Variants in KRTAP19-3 observed in about 807,000 individuals in gnomAD.
KRTAP19-3 encodes keratin associated protein 19-3, also known as keratin-associated protein 19-3.
For missense variants in KRTAP19-3, 106 were observed against 101.6 expected, an observed-to-expected ratio of 1.04 and a Z score of -0.19; for synonymous variants, 37 against 41.9, an observed-to-expected ratio of 0.88 and a Z score of 0.45.
In KRTAP19-3 at chr21:30,491,840, C is replaced by T; in HGVS notation, c.118G>A (p.Gly40Ser). 1 of 1,614,148 alleles carries T rather than the reference C, an allele frequency of 6.2e-7. No homozygotes were observed. Among genetic ancestry groups the T allele is most frequent in the Non-Finnish European group, 8.5e-7 (1 of 1,180,022 alleles). ...GAGCCATATCCGTAGCCTCCATAGC[C>T]ACAGCCAGAACCCAGTCTGCGGAAG... ...GSFRRLGSGCGYGGYGYGSGF... is the reference protein window; with the variant it reads ...GSFRRLGSGCSYGGYGYGSGF... The change falls in exon 1 of 1, where the codon GGC becomes AGC. Residue 40 changes from glycine to serine, a missense_variant. Transcript: ENST00000334063.
Position 30,491,534 on chromosome 21 carries a change from G to C in KRTAP19-3, c.*178C>G. ...AATCAGCTTTAAAAGCAAAAGTAGAGAATACTAGGATTATTATAGAGATGT... is the reference window on the plus strand; with the variant it reads ...AATCAGCTTTAAAAGCAAAAGTAGACAATACTAGGATTATTATAGAGATGT... On this transcript the variant is annotated 3_prime_UTR_variant, in exon 1 of 1. Transcript: ENST00000334063. 3.0e-6 allele frequency: 3 copies of C among 983,796 alleles called. No homozygotes were observed. The highest frequency in any genetic ancestry group is 4.5e-6 in the Non-Finnish European group (3 of 671,572). The allele number at this position is 983,796 out of a possible 1,614,324, so 60.9% of individuals were successfully genotyped here. A position where few individuals can be genotyped will look rare whatever the true frequency, so the allele number is the denominator to read the frequency against.
Position 30,491,931 on chromosome 21 carries a change from T to C in KRTAP19-3, c.27A>G (p.Gly9=). 4 of 1,614,158 alleles carry C rather than the reference T, an allele frequency of 2.5e-6. No individual in the cohort carries two copies. Among genetic ancestry groups the C allele is most frequent in the Non-Finnish European group, 3.4e-6 (4 of 1,180,018 alleles). Residue 9 remains glycine (G), a synonymous_variant, in exon 1 of 1, where the codon GGA becomes GGG. Coordinates refer to ENST00000334063, the MANE Select transcript of KRTAP19-3 (RefSeq NM_181609.4). The part of the protein sequence containing the change: MSYYGSYY[G]GLGYGCGGFG... Reference sequence around the variant, plus strand: ...AGCCTCCACAGCCATAGCCCAGGCCTCCATAGTAGCTGCCGTAGTAGCTCA... The same window carrying C: ...AGCCTCCACAGCCATAGCCCAGGCCCCCATAGTAGCTGCCGTAGTAGCTCA...
chr21:30,491,952 G>A lies in KRTAP19-3; in HGVS notation c.6C>T (p.Ser2=), dbSNP rs997567670. The change falls in exon 1 of 1, where the codon AGC becomes AGT. Residue 2 remains serine (S), a synonymous_variant. Coordinates refer to ENST00000334063, the MANE Select transcript of KRTAP19-3 (RefSeq NM_181609.4). M[S]YYGSYYGGLG... is the part of the protein sequence containing the mutation. ...GGCCTCCATAGTAGCTGCCGTAGTAGCTCATGGTGTCAGGGGTAGTGAGTT... is the reference window on the plus strand; with the variant it reads ...GGCCTCCATAGTAGCTGCCGTAGTAACTCATGGTGTCAGGGGTAGTGAGTT... 3 of 1,614,060 alleles carry A rather than the reference G, an allele frequency of 1.9e-6. No individual in the cohort carries two copies. In the African/African-American group the frequency reaches 4.0e-5, roughly 22 times the overall value.
chr21:30,491,886 G>A lies in KRTAP19-3; in HGVS notation c.72C>T (p.Gly24=), dbSNP rs1282617521. The change falls in exon 1 of 1, where the codon GGC becomes GGT. Residue 24 remains glycine, a synonymous_variant. Transcript: ENST00000334063. ...GCGGFGGLGY[G]YGCGCGSFRR... The stretch of plus-strand genomic sequence containing the variant: ...GGAAGCTGCCACATCCACAGCCATA[G>A]CCATAGCCCAGGCCACCAAAGCCTC... 2.5e-6 allele frequency: 4 copies of A among 1,614,014 alleles called. No homozygotes were observed. Among genetic ancestry groups the A allele is most frequent in the Admixed American group, 1.7e-5 (1 of 59,996 alleles).
At position 30,491,756 on chromosome 21, in the gene KRTAP19-3, G is replaced by C. The variant is rs777631911; in HGVS notation, c.202C>G (p.Arg68Gly). The C allele has an allele frequency of 1.3e-5, 21 of 1,614,044 alleles. No individual in the cohort carries two copies. The highest frequency in any genetic ancestry group is 1.8e-5 in the Non-Finnish European group (21 of 1,180,026). ...CCATATCCTCCATAGTATGATGGGC[G>C]GTAGCAGCCATATCCGTAGCCTCCG... ...GFGGYGYGCY[R>G]PSYYGGYGFS... Residue 68 changes from arginine to glycine, a missense_variant, in exon 1 of 1, where the codon CGC becomes GGC. Physicochemically the swap from Arg to Gly is moderately radical, Grantham distance 125. Transcript: ENST00000334063.
chr21:30,491,519 A>T lies in KRTAP19-3; in HGVS notation c.*193T>A. The T allele has an allele frequency of 2.3e-6, 2 of 873,724 alleles. No homozygotes were observed. Among genetic ancestry groups the T allele is most frequent in the Non-Finnish European group, 3.4e-6 (2 of 579,766 alleles). 54.1% of individuals were successfully genotyped at this position (873,724 alleles called of 1,614,324 possible). ...ATAAACAGATAATTCAATCAGCTTT[A>T]AAAGCAAAAGTAGAGAATACTAGGA... is the stretch of plus-strand genomic sequence containing the variant. On this transcript the variant is annotated 3_prime_UTR_variant, in exon 1 of 1. Transcript: ENST00000334063.
rs759480105 is a variant in KRTAP19-3, at chr21:30,491,907, G to T, written c.51C>A (p.Gly17=). The change falls in exon 1 of 1, where the codon GGC becomes GGA. Residue 17 remains glycine, a synonymous_variant. Coordinates refer to ENST00000334063, the MANE Select transcript of KRTAP19-3 (RefSeq NM_181609.4). Reference sequence around the variant, plus strand: ...CATAGCCATAGCCCAGGCCACCAAAGCCTCCACAGCCATAGCCCAGGCCTC... The same window carrying T: ...CATAGCCATAGCCCAGGCCACCAAATCCTCCACAGCCATAGCCCAGGCCTC... ...YYGGLGYGCG[G]FGGLGYGYGC... is the part of the protein sequence containing the mutation. 2.0e-5 allele frequency: 33 copies of T among 1,613,974 alleles called. No homozygotes were observed. Among genetic ancestry groups the T allele is most frequent in the Non-Finnish European group, 2.8e-5 (33 of 1,180,014 alleles).
At position 30,491,866 on chromosome 21, in the gene KRTAP19-3, C is replaced by T. The variant is rs750812193; in HGVS notation, c.92G>A (p.Ser31Asn). The T allele has an allele frequency of 2.5e-6, 4 of 1,614,194 alleles. No homozygotes were observed. The highest frequency in any genetic ancestry group is 3.4e-6 in the Non-Finnish European group (4 of 1,180,034). ...ACAGCCAGAACCCAGTCTGCGGAAGCTGCCACATCCACAGCCATAGCCATA... is the reference window on the plus strand; with the variant it reads ...ACAGCCAGAACCCAGTCTGCGGAAGTTGCCACATCCACAGCCATAGCCATA... Reference protein sequence around the residue: ...LGYGYGCGCGSFRRLGSGCGY... With the variant: ...LGYGYGCGCGNFRRLGSGCGY... The change falls in exon 1 of 1, where the codon AGC (serine) becomes AAC (asparagine). Residue 31 changes from serine to asparagine, a missense_variant. Coordinates refer to ENST00000334063, the MANE Select transcript of KRTAP19-3 (RefSeq NM_181609.4).
rs1159180816 is a variant in KRTAP19-3, at chr21:30,491,538, A to G, written c.*174T>C. 21 of 1,006,750 alleles carry G rather than the reference A, an allele frequency of 2.1e-5. No homozygotes were observed. Among genetic ancestry groups the G allele is most frequent in the Non-Finnish European group, 2.9e-5 (20 of 689,152 alleles). The allele number at this position is 1,006,750 out of a possible 1,614,324, so 62.4% of individuals were successfully genotyped here. The stretch of plus-strand genomic sequence containing the variant: ...AGCTTTAAAAGCAAAAGTAGAGAAT[A>G]CTAGGATTATTATAGAGATGTGGGT... On this transcript the variant is annotated 3_prime_UTR_variant, in exon 1 of 1. Coordinates refer to ENST00000334063, the MANE Select transcript of KRTAP19-3 (RefSeq NM_181609.4).
At position 30,491,963 on chromosome 21, in the gene KRTAP19-3, CA is replaced by C. The variant is rs1568866626; in HGVS notation, c.-7del. The C allele has an allele frequency of 6.2e-7, 1 of 1,614,096 alleles. No homozygotes were observed. The highest frequency in any genetic ancestry group is 1.3e-5 in the African/African-American group (1 of 75,040). ...TAGCTGCCGTAGTAGCTCATGGTGT[CA>C]GGGGTAGTGAGTTTGGTTTGCTGCT... is the stretch of plus-strand genomic sequence containing the variant. On this transcript the variant is annotated 5_prime_UTR_variant, in exon 1 of 1. Transcript: ENST00000334063.
chr21:30,491,855 G>A lies in KRTAP19-3; in HGVS notation c.103C>T (p.Leu35=). 6.2e-7 allele frequency: 1 copy of A among 1,614,074 alleles called. No homozygotes were observed. The highest frequency in any genetic ancestry group is 8.5e-7 in the Non-Finnish European group (1 of 1,180,012). The change falls in exon 1 of 1, where the codon CTG becomes TTG. Residue 35 remains leucine, a synonymous_variant. Transcript: ENST00000334063. ...CCTCCATAGCCACAGCCAGAACCCA[G>A]TCTGCGGAAGCTGCCACATCCACAG... is the stretch of plus-strand genomic sequence containing the variant. ...YGCGCGSFRR[L]GSGCGYGGYG... is the part of the protein sequence containing the mutation.
chr21:30,491,782 A>T lies in KRTAP19-3; in HGVS notation c.176T>A (p.Phe59Tyr). ...GFGGYGYGSG[F>Y]GGYGYGCYRP... ...GTAGCAGCCATATCCGTAGCCTCCGAAGCCAGAGCCATATCCATAGCCTCC... is the reference window on the plus strand; with the variant it reads ...GTAGCAGCCATATCCGTAGCCTCCGTAGCCAGAGCCATATCCATAGCCTCC... Residue 59 changes from phenylalanine (F) to tyrosine (Y), a missense_variant, in exon 1 of 1, where the codon TTC becomes TAC. Physicochemically the swap from Phe to Tyr is conservative, Grantham distance 22 (BLOSUM62 3). Coordinates refer to ENST00000334063, the MANE Select transcript of KRTAP19-3 (RefSeq NM_181609.4). The T allele has an allele frequency of 1.2e-6, 2 of 1,614,046 alleles. No individual in the cohort carries two copies. Among genetic ancestry groups the T allele is most frequent in the Non-Finnish European group, 1.7e-6 (2 of 1,179,984 alleles).
At chr21:30,491,826 G>T in the KRTAP19-3 span, 1 of 1,614,106 alleles carries the variant, frequency 6.2e-7, no homozygotes, top group South Asian at 1.1e-5. Flanking sequence ...AGCCATATCC[G>T]TAGCCTCCAT....
At position 30,491,719 on chromosome 21, in the gene KRTAP19-3, A is replaced by G; in HGVS notation, c.239T>C (p.Phe80Ser). Residue 80 changes from phenylalanine to serine, a missense_variant, in exon 1 of 1, where the codon TTC becomes TCC. Phe to Ser is a radical substitution (Grantham distance 155). Coordinates refer to ENST00000334063, the MANE Select transcript of KRTAP19-3 (RefSeq NM_181609.4). ...TGTTGCTGGGGCAGTAGTTTAATAGAATCCAGAGAATCCATATCCTCCATA... is the reference window on the plus strand; with the variant it reads ...TGTTGCTGGGGCAGTAGTTTAATAGGATCCAGAGAATCCATATCCTCCATA... ...SYYGGYGFSG[F>S]Y is the part of the protein sequence containing the mutation. The G allele has an allele frequency of 6.2e-7, 1 of 1,614,206 alleles. No individual in the cohort carries two copies. Among genetic ancestry groups the G allele is most frequent in the East Asian group, 2.2e-5 (1 of 44,878 alleles).
rs1229239961 is a variant in KRTAP19-3, at chr21:30,491,898, G to T, written c.60C>A (p.Gly20=). The T allele has an allele frequency of 6.2e-7, 1 of 1,614,076 alleles. No individual in the cohort carries two copies. Among genetic ancestry groups the T allele is most frequent in the Non-Finnish European group, 8.5e-7 (1 of 1,180,014 alleles). ...GLGYGCGGFG[G]LGYGYGCGCG... ...ATCCACAGCCATAGCCATAGCCCAG[G>T]CCACCAAAGCCTCCACAGCCATAGC... is the stretch of plus-strand genomic sequence containing the variant. Residue 20 remains glycine (G), a synonymous_variant, in exon 1 of 1, where the codon GGC becomes GGA. Transcript: ENST00000334063.
Position 30,491,731 on chromosome 21 carries a change from C to A in KRTAP19-3, c.227G>T (p.Gly76Val), listed in dbSNP as rs557508319. The change falls in exon 1 of 1, where the codon GGA becomes GTA. Residue 76 changes from glycine to valine, a missense_variant. Coordinates refer to ENST00000334063, the MANE Select transcript of KRTAP19-3 (RefSeq NM_181609.4). Reference sequence around the variant, plus strand: ...AGTAGTTTAATAGAATCCAGAGAATCCATATCCTCCATAGTATGATGGGCG... The same window carrying A: ...AGTAGTTTAATAGAATCCAGAGAATACATATCCTCCATAGTATGATGGGCG... The part of the protein sequence containing the change: ...CYRPSYYGGY[G>V]FSGFY The A allele has an allele frequency of 5.0e-6, 8 of 1,614,182 alleles. No individual in the cohort carries two copies. In the South Asian group the frequency reaches 7.7e-5, roughly 16 times the overall value.
At position 30,491,935 on chromosome 21, in the gene KRTAP19-3, T is replaced by C. The variant is rs1985986882; in HGVS notation, c.23A>G (p.Tyr8Cys). The C allele has an allele frequency of 6.2e-7, 1 of 1,614,202 alleles. No homozygotes were observed. Among genetic ancestry groups the C allele is most frequent in the Non-Finnish European group, 8.5e-7 (1 of 1,180,032 alleles). Residue 8 changes from tyrosine (Y) to cysteine (C), a missense_variant, in exon 1 of 1, where the codon TAT (tyrosine) becomes TGT (cysteine). By Grantham distance (194) the Tyr-to-Cys change is radical. Coordinates refer to ENST00000334063, the MANE Select transcript of KRTAP19-3 (RefSeq NM_181609.4). ...TCCACAGCCATAGCCCAGGCCTCCATAGTAGCTGCCGTAGTAGCTCATGGT... is the reference window on the plus strand; with the variant it reads ...TCCACAGCCATAGCCCAGGCCTCCACAGTAGCTGCCGTAGTAGCTCATGGT... MSYYGSY[Y>C]GGLGYGCGGF...
In KRTAP19-3 at chr21:30,491,617, A is replaced by G. The variant is rs1985973166; in HGVS notation, c.*95T>C. On this transcript the variant is annotated 3_prime_UTR_variant, in exon 1 of 1. Coordinates refer to ENST00000334063, the MANE Select transcript of KRTAP19-3 (RefSeq NM_181609.4). ...CTGAGATGTTAAATTCTTTTGTGCA[A>G]ATAGCTCCAGCATGATCTTTGTTGT... is the stretch of plus-strand genomic sequence containing the variant. The G allele has an allele frequency of 4.5e-6, 7 of 1,565,798 alleles. No individual in the cohort carries two copies. The Admixed American group carries it at 5.6e-5, about 12-fold the overall frequency.
In KRTAP19-3 at chr21:30,491,916, G is replaced by A; in HGVS notation, c.42C>T (p.Gly14=). The change falls in exon 1 of 1, where the codon GGC becomes GGT. Residue 14 remains glycine, a synonymous_variant. Coordinates refer to ENST00000334063, the MANE Select transcript of KRTAP19-3 (RefSeq NM_181609.4). ...AGCCCAGGCCACCAAAGCCTCCACA[G>A]CCATAGCCCAGGCCTCCATAGTAGC... ...YGSYYGGLGY[G]CGGFGGLGYG... The A allele has an allele frequency of 1.2e-6, 2 of 1,614,200 alleles. No individual in the cohort carries two copies. The highest frequency in any genetic ancestry group is 1.7e-6 in the Non-Finnish European group (2 of 1,180,038).
Sources: allele counts gnomAD v4.1 joint callset, GRCh38; gene constraint gnomAD v4.1.1; transcripts MANE v1.5; gene names NCBI Gene and HGNC (gene_info 2026-07-23, HGNC 2026-07-21).